VSNL1: variants seen among roughly 807,000 people sequenced by gnomAD.
The protein encoded by VSNL1 is visinin like 1, also known as visinin-like protein 1.
In VSNL1, 6 loss-of-function variants were observed where a neutral mutation model predicts 20.4. The observed-to-expected ratio is 0.29, with a 90% CI of 0.16 to 0.58. The LOEUF (loss-of-function observed/expected upper bound fraction) is 0.58. Ranked by LOEUF, VSNL1 falls within the 20% of genes least tolerant of loss-of-function variation. The probability of loss-of-function intolerance (pLI) is 0.90; values close to 1 mark genes in which losing one functional copy is unlikely to be tolerated. For synonymous variants in VSNL1, 93 were observed against 86.4 expected (o/e 1.08, Z -0.42); for missense variants, 100 against 234.5 (o/e 0.43, Z 3.75).
At chr2:17,653,131 G>A (rs1006966840) in intron 3 of VSNL1, among the ~76,000 whole-genome samples, 4 of 152,190 alleles carry the variant, frequency 2.6e-5, no homozygotes, top group Admixed American at 6.5e-5. Context: ...TTCACACGGA[G>A]TTCCGAGTCT....
intron 2 of VSNL1, among the ~76,000 whole-genome samples, chr2:17,603,875 G>A (rs1409463706): frequency 6.6e-6 from 1 of 152,184 alleles, no homozygotes; most frequent in African/African-American, 2.4e-5. Context: ...TGAAGATACA[G>A]GAGCTTGCAT....
chr2:17,571,992 A>C (rs1015798829), intron 1 of VSNL1, among the ~76,000 whole-genome samples: 13 of 152,350 alleles, frequency 8.5e-5, no homozygotes, highest in African/African-American at 2.9e-4. Flanking sequence ...AAGACCACAA[A>C]GTGAGTATGA....
intron 2 of VSNL1, among the ~76,000 whole-genome samples, chr2:17,629,642 C>T (rs1572209737): frequency 6.6e-6 from 1 of 152,240 alleles, no homozygotes; most frequent in South Asian, 2.1e-4. Context: ...GCCAGCAATA[C>T]CCCCTGCCAT....
chr2:17,654,507 T>C (rs58512298), intron 3 of VSNL1, among the ~76,000 whole-genome samples: 14,456 of 152,198 alleles, frequency 0.095, 769 homozygotes, highest in African/African-American at 0.13. Context: ...AGATGCAGAA[T>C]GTTTAAAACT....
intron 1 of VSNL1, chr2:17,567,712 T>G (rs557676589): frequency 6.6e-6 from 1 of 152,270 alleles, no homozygotes; most frequent in African/African-American, 2.4e-5. Flanking sequence ...GTATGAACCT[T>G]TATCAGGTTA....
chr2:17,590,696 G>A (rs1425473246), intron 1 of VSNL1, among the ~76,000 whole-genome samples: 2 of 152,126 alleles, frequency 1.3e-5, no homozygotes, highest in Non-Finnish European at 2.9e-5. Context: ...AATGGGTGTG[G>A]AATCTGTTTT....
At chr2:17,645,567 C>T (rs1665973949) in intron 2 of VSNL1, among the ~76,000 whole-genome samples, 3 of 152,198 alleles carry the variant, frequency 2.0e-5, no homozygotes, top group Admixed American at 1.3e-4. Context: ...CTGGGTGGGG[C>T]CCTGGAGGCC....
chr2:17,645,022 GGC>G (rs1665962959), intron 2 of VSNL1, among the ~76,000 whole-genome samples: 1 of 152,274 alleles, frequency 6.6e-6, no homozygotes, highest in South Asian at 2.1e-4. Flanking sequence ...GGGATTGGAT[GGC>G]AGACCTCTCC....
chr2:17,641,443 C>G (rs1273796546), intron 2 of VSNL1, among the ~76,000 whole-genome samples: 3 of 152,184 alleles, frequency 2.0e-5, no homozygotes. Flanking sequence ...AAACTCACCA[C>G]AATTTCCAAA....
chr2:17,553,997 A>C (rs962534505), intron 1 of VSNL1, among the ~76,000 whole-genome samples: 7 of 152,220 alleles, frequency 4.6e-5, no homozygotes, highest in Admixed American at 2.6e-4. Context: ...CATCTTTTGC[A>C]CTGGGTAGAT....
In VSNL1 at chr2:17,634,599, C is replaced by T. The variant is rs1051303431; in HGVS notation, c.163-14811C>T. Among the ~76,000 whole-genome samples the T allele has an allele frequency of 2.0e-5, 3 of 152,218 alleles. No homozygotes were observed. The highest frequency in any genetic ancestry group is 6.5e-5 in the Admixed American group (1 of 15,284). On this transcript the variant is annotated intron_variant, in intron 2 of 3. Coordinates refer to ENST00000295156, the MANE Select transcript of VSNL1 (RefSeq NM_003385.5). This position sits in a 1 kb window ranked among gnomAD's most constrained non-coding sequence, Gnocchi z 4.3. ...AGGCAAAGCTTAGCTGTGCCCCTTCCCGTCCCCTGACACCCTCATCTCTCC... is the reference window on the plus strand; with the variant it reads ...AGGCAAAGCTTAGCTGTGCCCCTTCTCGTCCCCTGACACCCTCATCTCTCC...
chr2:17,631,513 G>A (rs1048318333), intron 2 of VSNL1, among the ~76,000 whole-genome samples: 3 of 152,174 alleles, frequency 2.0e-5, no homozygotes, highest in South Asian at 4.1e-4. Context: ...TTGGATGGTG[G>A]TTTGACAATA....
intron 1 of VSNL1, among the ~76,000 whole-genome samples, chr2:17,577,683 G>T (rs550737758): frequency 3.2e-4 from 48 of 152,270 alleles, no homozygotes; most frequent in African/African-American, 1.2e-3. Context: ...GGGACCAGGG[G>T]CAGGCAACTG....
rs915053777 is a variant in VSNL1, at chr2:17,656,553, C to T, written c.*1159C>T. 6.6e-6 allele frequency: 1 copy of T among 152,118 alleles called. No individual in the cohort carries two copies. Among genetic ancestry groups the T allele is most frequent in the Non-Finnish European group, 1.5e-5 (1 of 68,036 alleles). 9.4% of individuals were successfully genotyped at this position (152,118 alleles called of 1,614,324 possible). On this transcript the variant is annotated 3_prime_UTR_variant, in exon 4 of 4. Coordinates refer to ENST00000295156, the MANE Select transcript of VSNL1 (RefSeq NM_003385.5). ...AGTAGGAAAGAAGACATCTGTCTTC[C>T]CAAATCTAAAGTAGGCAAAAAATAA...
chr2:17,613,137 C>G (rs62132152), intron 2 of VSNL1, among the ~76,000 whole-genome samples: 8,234 of 152,224 alleles, frequency 0.054, 258 homozygotes, highest in East Asian at 0.092. Flanking sequence ...CATACTGCAG[C>G]ATCTTGCCCC....
intron 2 of VSNL1, among the ~76,000 whole-genome samples, chr2:17,611,259 A>T (rs1665078525): frequency 6.6e-6 from 1 of 152,218 alleles, no homozygotes; most frequent in African/African-American, 2.4e-5. Flanking sequence ...AGAGGAAGTA[A>T]CATGTCTAAG....
chr2:17,592,509 G>T (rs1400466722), intron 2 of VSNL1, among the ~76,000 whole-genome samples: 2 of 152,094 alleles, frequency 1.3e-5, no homozygotes, highest in Non-Finnish European at 2.9e-5. Flanking sequence ...ACCATAAAAA[G>T]CTCAGAGAAG....
At chr2:17,633,137 T>C (rs1202689655) in intron 2 of VSNL1, among the ~76,000 whole-genome samples, 1 of 152,150 alleles carries the variant, frequency 6.6e-6, no homozygotes, top group East Asian at 1.9e-4. Context: ...ATGTCTTACA[T>C]GGCATCAGGT....
At chr2:17,622,596 GAAA>G (rs1558303738) in intron 2 of VSNL1, among the ~76,000 whole-genome samples, 71 of 128,866 alleles carry the variant, frequency 5.5e-4, no homozygotes, top group African/African-American at 1.9e-3. Context: ...AAGAAAGAAA[GAAA>G]GAAAAGAAAG....
Sources: gnomAD v4.1 joint callset for allele counts (sites outside exome capture counted in the v4.1 genomes callset) on GRCh38, gnomAD v4.1.1 for gene constraint, Gnocchi (gnomAD v3.1) non-coding constraint, MANE v1.5 for transcripts, NCBI Gene and HGNC (gene_info 2026-07-23, HGNC 2026-07-21) for gene names.